ITPKA: variants seen among roughly 807,000 people sequenced by gnomAD.
ITPKA encodes inositol-trisphosphate 3-kinase A, also known as IP3 3-kinase A.
In ITPKA, 16 loss-of-function variants were observed where a neutral mutation model predicts 40.7. That is an observed-to-expected ratio of 0.39 (90% CI 0.27 to 0.60). ITPKA has a LOEUF of 0.60. Ranked by LOEUF, ITPKA falls within the 20% of genes least tolerant of loss-of-function variation. ITPKA has a pLI of 0.50. For synonymous variants in ITPKA, 313 were observed against 289.9 expected, an observed-to-expected ratio of 1.08 and a Z score of -0.81; for missense variants, 540 against 649.3, an observed-to-expected ratio of 0.83 and a Z score of 1.83.
intron 1 of ITPKA, among the ~76,000 whole-genome samples, chr15:41,500,201 C>T (rs1425853740): frequency 1.3e-5 from 2 of 152,286 alleles, no homozygotes; most frequent in Admixed American, 6.5e-5. Context: ...CCTTGTGATC[C>T]GCCCACCTCA....
Position 41,501,737 on chromosome 15 carries a change from G to A in ITPKA, c.689G>A (p.Cys230Tyr), listed in dbSNP as rs981625537. 28 of 1,612,040 alleles carry A rather than the reference G, an allele frequency of 1.7e-5. No individual in the cohort carries two copies. In the East Asian group the frequency reaches 6.2e-4, roughly 36 times the overall value. The change falls in exon 3 of 7, where the codon TGC becomes TAC. Residue 230 changes from cysteine to tyrosine, a missense_variant. Coordinates refer to ENST00000260386, the MANE Select transcript of ITPKA (RefSeq NM_002220.3). ...CTGATGGCTGACGCGCTGCGCGGCT[G>A]CGTGCCTGCCTTCCACGGCGTGGTG... ...ARLMADALRG[C>Y]VPAFHGVVER...
rs1383257949 is a variant in ITPKA at position 41,502,485 on chromosome 15, A to G, written c.1092A>G (p.Gln364=). ...TTCGCGTCTTTGAAGAGTTTGTGCA[A>G]GGAGATGAGGAAGTGCTGGTGAGAG... ...QVLRVFEEFV[Q]GDEEVLRRYL... Residue 364 remains glutamine (Q), a synonymous_variant, in exon 5 of 7, where the codon CAA becomes CAG. Coordinates refer to ENST00000260386, the MANE Select transcript of ITPKA (RefSeq NM_002220.3). 24 of 1,588,594 alleles carry G rather than the reference A, an allele frequency of 1.5e-5. No individual in the cohort carries two copies. The highest frequency in any genetic ancestry group is 1.8e-5 in the Non-Finnish European group (21 of 1,157,796).
In ITPKA at chr15:41,494,223, C is replaced by T. The variant is rs1372990024; in HGVS notation, c.296C>T (p.Pro99Leu). ...PDVPPTSPGP[P>L]ERERDCLPAA... is the part of the protein sequence containing the mutation. ...GTGCCCCCGACCAGCCCTGGGCCGCCGGAGCGGGAGAGGGACTGCCTCCCG... is the reference window on the plus strand; with the variant it reads ...GTGCCCCCGACCAGCCCTGGGCCGCTGGAGCGGGAGAGGGACTGCCTCCCG... Residue 99 changes from proline (P) to leucine (L), a missense_variant, in exon 1 of 7, where the codon CCG (proline) becomes CTG (leucine). By Grantham distance (98) the Pro-to-Leu change is moderately conservative. Transcript: ENST00000260386. The surrounding 1 kb of genome is among the most constrained non-coding windows in gnomAD (Gnocchi z 7.8). 5.9e-6 allele frequency: 9 copies of T among 1,535,952 alleles called. No homozygotes were observed. Among genetic ancestry groups the T allele is most frequent in the Non-Finnish European group, 7.8e-6 (9 of 1,148,434 alleles).
At chr15:41,495,889 G>C (rs1197308687) in intron 1 of ITPKA, among the ~76,000 whole-genome samples, 4 of 152,258 alleles carry the variant, frequency 2.6e-5, no homozygotes, top group Admixed American at 2.6e-4. Flanking sequence ...CTGGGAGAGG[G>C]AGTGCGCTAG....
intron 1 of ITPKA, among the ~76,000 whole-genome samples, chr15:41,495,604 C>T (rs1052173644): frequency 5.9e-5 from 9 of 152,204 alleles, no homozygotes; most frequent in African/African-American, 2.2e-4. Context: ...CACTAGCCTG[C>T]CGCTTCCCCT....
At position 41,494,750 on chromosome 15, in the gene ITPKA, A is replaced by G. The variant is rs948143515; in HGVS notation, c.489+334A>G. Among the ~76,000 whole-genome samples, 1 of 152,140 alleles carries G rather than the reference A, an allele frequency of 6.6e-6. No individual in the cohort carries two copies. The highest frequency in any genetic ancestry group is 1.5e-5 in the Non-Finnish European group (1 of 68,006). On this transcript the variant is annotated intron_variant, in intron 1 of 6. Coordinates refer to ENST00000260386, the MANE Select transcript of ITPKA (RefSeq NM_002220.3). This position sits in a 1 kb window ranked among gnomAD's most constrained non-coding sequence, Gnocchi z 7.8. ...AGGACAGGAGGGATCGGAGGGGCTG[A>G]GCCTTGCCGGGTGAACCCTCGGAAG...
In ITPKA at chr15:41,501,858, G is replaced by A; in HGVS notation, c.803+7G>A. On this transcript the variant is annotated splice_region_variant and intron_variant, in intron 3 of 6. Coordinates refer to ENST00000260386, the MANE Select transcript of ITPKA (RefSeq NM_002220.3). ...ACTGCAAAATGGGCGTCAGGTATGC[G>A]TGCCCTGCCAGGTCGGTTGGGGGGA... 5 of 1,611,726 alleles carry A rather than the reference G, an allele frequency of 3.1e-6. No individual in the cohort carries two copies. Among genetic ancestry groups the A allele is most frequent in the Non-Finnish European group, 4.2e-6 (5 of 1,178,966 alleles).
intron 4 of ITPKA, 89 bp from the exon 5 acceptor site, chr15:41,502,313 C>T: frequency 7.2e-7 from 1 of 1,384,526 alleles, no homozygotes; most frequent in African/African-American, 1.4e-5. Flanking sequence ...GCCTCGCCGT[C>T]CCCTGCAACT....
intron 1 of ITPKA, among the ~76,000 whole-genome samples, chr15:41,497,490 A>C (rs2051081688): frequency 6.6e-6 from 1 of 152,146 alleles, no homozygotes; most frequent in Admixed American, 6.5e-5. Context: ...GGCCTCCCAA[A>C]GTGCTGAGAT....
chr15:41,501,573 C>A lies in ITPKA; in HGVS notation c.586+14C>A. 1.5e-5 allele frequency: 3 copies of A among 198,002 alleles called. No homozygotes were observed. The highest frequency in any genetic ancestry group is 2.1e-4 in the East Asian group (1 of 4,706). The allele number at this position is 198,002 out of a possible 1,614,324, so 12.3% of individuals were successfully genotyped here. On this transcript the variant is annotated intron_variant, in intron 2 of 6. Coordinates refer to ENST00000260386, the MANE Select transcript of ITPKA (RefSeq NM_002220.3). The stretch of plus-strand genomic sequence containing the variant: ...CAGGGCACACTGGTGAGCAGTGGGG[C>A]GGGTGGGCGGGTGCCCGCGACGGGA...
At chr15:41,501,414 A>G in intron 1 of ITPKA, 49 bp from the exon 2 acceptor site, 1 of 1,562,100 alleles carries the variant, frequency 6.4e-7, no homozygotes, top group Non-Finnish European at 8.7e-7. Flanking sequence ...GGGAGGGCTT[A>G]TGCATTGCCG....
At position 41,502,998 on chromosome 15, in the gene ITPKA, C is replaced by A; in HGVS notation, c.1218C>A (p.His406Gln). The A allele has an allele frequency of 6.2e-7, 1 of 1,607,516 alleles. No homozygotes were observed. Reference protein sequence around the residue: ...IGSSLLFVHDHCHRAGVWLID... With the variant: ...IGSSLLFVHDQCHRAGVWLID... Reference sequence around the variant, plus strand: ...GCTCGCTCCTCTTTGTGCACGATCACTGCCATCGCGCCGGCGTGTGGCTCA... The same window carrying A: ...GCTCGCTCCTCTTTGTGCACGATCAATGCCATCGCGCCGGCGTGTGGCTCA... The change falls in exon 7 of 7, where the codon CAC becomes CAA. Residue 406 changes from histidine to glutamine, a missense_variant. Physicochemically the swap from His to Gln is conservative, Grantham distance 24. Coordinates refer to ENST00000260386, the MANE Select transcript of ITPKA (RefSeq NM_002220.3).
chr15:41,502,483 C>T lies in ITPKA; in HGVS notation c.1090C>T (p.Gln364Ter), dbSNP rs775606125. ...GCTTCGCGTCTTTGAAGAGTTTGTGCAAGGAGATGAGGAAGTGCTGGTGAG... is the reference window on the plus strand; with the variant it reads ...GCTTCGCGTCTTTGAAGAGTTTGTGTAAGGAGATGAGGAAGTGCTGGTGAG... ...QVLRVFEEFV[Q>*]GDEEVLRRYL... Residue 364 changes from glutamine to a stop codon, truncating the protein, a stop_gained, in exon 5 of 7, where the codon CAA becomes TAA. Coordinates refer to ENST00000260386, the MANE Select transcript of ITPKA (RefSeq NM_002220.3). LOFTEE classifies it high-confidence loss of function. The T allele has an allele frequency of 6.3e-7, 1 of 1,592,814 alleles. No homozygotes were observed. The highest frequency in any genetic ancestry group is 8.6e-7 in the Non-Finnish European group (1 of 1,161,456).
chr15:41,494,149 C>T lies in ITPKA; in HGVS notation c.222C>T (p.Pro74=), dbSNP rs912448655. ...TCCCCAACGGGCTTCCGCGGGCTCCCCCGGCCCCGGTGATCCCTCAGCTGA... is the reference window on the plus strand; with the variant it reads ...TCCCCAACGGGCTTCCGCGGGCTCCTCCGGCCCCGGTGATCCCTCAGCTGA... ...GQVPNGLPRA[P]PAPVIPQLTV... is the part of the protein sequence containing the mutation. The change falls in exon 1 of 7, where the codon CCC becomes CCT. Residue 74 remains proline (P), a synonymous_variant. Coordinates refer to ENST00000260386, the MANE Select transcript of ITPKA (RefSeq NM_002220.3). This position sits in a 1 kb window ranked among gnomAD's most constrained non-coding sequence, Gnocchi z 7.8. 1.4e-6 allele frequency: 2 copies of T among 1,472,592 alleles called. No homozygotes were observed. Among genetic ancestry groups the T allele is most frequent in the Middle Eastern group, 2.3e-4 (1 of 4,302 alleles). 91.2% of individuals were successfully genotyped at this position (1,472,592 alleles called of 1,614,324 possible). A position where few individuals can be genotyped will look rare whatever the true frequency, so the allele number is the denominator to read the frequency against.
intron 5 of ITPKA, 83 bp from the exon 6 acceptor site, chr15:41,502,705 G>T (rs574749699): frequency 3.0e-6 from 4 of 1,316,640 alleles, no homozygotes; most frequent in African/African-American, 2.9e-5. Context: ...CAAGCACAGC[G>T]TGGGTCCCGG....
chr15:41,494,147 C>T lies in ITPKA; in HGVS notation c.220C>T (p.Pro74Ser). The change falls in exon 1 of 7, where the codon CCC becomes TCC. Residue 74 changes from proline to serine, a missense_variant. By Grantham distance (74) the Pro-to-Ser change is moderately conservative. Transcript: ENST00000260386. The surrounding 1 kb of genome is among the most constrained non-coding windows in gnomAD (Gnocchi z 7.8). ...GGTCCCCAACGGGCTTCCGCGGGCT[C>T]CCCCGGCCCCGGTGATCCCTCAGCT... ...GQVPNGLPRA[P>S]PAPVIPQLTV... 3 of 1,469,446 alleles carry T rather than the reference C, an allele frequency of 2.0e-6. No individual in the cohort carries two copies. Among genetic ancestry groups the T allele is most frequent in the African/African-American group, 1.5e-5 (1 of 68,446 alleles). The allele number at this position is 1,469,446 out of a possible 1,614,324, so 91.0% of individuals were successfully genotyped here. A position where few individuals can be genotyped will look rare whatever the true frequency, so the allele number is the denominator to read the frequency against.
At chr15:41,496,198 G>A (rs1186083438) in intron 1 of ITPKA, among the ~76,000 whole-genome samples, 1 of 152,256 alleles carries the variant, frequency 6.6e-6, no homozygotes, top group Non-Finnish European at 1.5e-5. Flanking sequence ...AGGTCCCAGA[G>A]CCGCACAGCG....
intron 6 of ITPKA, 25 bp from the exon 7 acceptor site, chr15:41,502,938 C>T: frequency 6.3e-7 from 1 of 1,596,708 alleles, no homozygotes; most frequent in Non-Finnish European, 8.5e-7. Flanking sequence ...GGCAGGGCCG[C>T]GGCCTGACGG....
chr15:41,503,123 T>C lies in ITPKA; in HGVS notation c.1343T>C (p.Leu448Pro). Reference protein sequence around the residue: ...GNREDGYLLGLDNLIGILASL... With the variant: ...GNREDGYLLGPDNLIGILASL... ...CGCGAGGACGGCTATTTGCTGGGGC[T>C]GGACAATCTCATTGGCATCCTGGCC... Residue 448 changes from leucine to proline, a missense_variant, in exon 7 of 7, where the codon CTG (leucine) becomes CCG (proline). Leu to Pro is a moderately conservative substitution (Grantham distance 98). Transcript: ENST00000260386. 5 of 1,597,774 alleles carry C rather than the reference T, an allele frequency of 3.1e-6. No individual in the cohort carries two copies. Among genetic ancestry groups the C allele is most frequent in the Non-Finnish European group, 4.3e-6 (5 of 1,166,828 alleles).
Sources: allele counts gnomAD v4.1 joint callset (sites outside exome capture counted in the v4.1 genomes callset), GRCh38; gene constraint gnomAD v4.1.1; non-coding constraint Gnocchi (gnomAD v3.1); transcripts MANE v1.5; gene names NCBI Gene and HGNC (gene_info 2026-07-23, HGNC 2026-07-21).